RBP2: variants seen among roughly 807,000 people sequenced by gnomAD.
The protein encoded by RBP2 is retinol binding protein 2.
A neutral mutation model predicts 17.0 loss-of-function variants in RBP2; 17 were observed. The observed-to-expected ratio is 1.00, with a 90% CI of 0.68 to 1.50. The LOEUF (loss-of-function observed/expected upper bound fraction) is 1.50, where lower values mean the gene tolerates loss of function less well. RBP2 is among the 40% of genes most tolerant of loss of function. The pLI, the probability that RBP2 is intolerant of heterozygous loss-of-function variation, is 0.00. For missense variants in RBP2, 158 were observed against 168.2 expected (o/e 0.94, Z 0.33); for synonymous variants, 48 against 57.1 (o/e 0.84, Z 0.72).
chr3:139,463,280 A>T (rs1292705903), intron 1 of RBP2, among the ~76,000 whole-genome samples: 2 of 151,138 alleles, frequency 1.3e-5, no homozygotes, highest in Admixed American at 6.6e-5. Flanking sequence ...TCTGCCTCCC[A>T]GGTTCATGCC....
chr3:139,468,113 T>A (rs561573165), intron 1 of RBP2, among the ~76,000 whole-genome samples: 29 of 152,250 alleles, frequency 1.9e-4, no homozygotes, highest in African/African-American at 6.3e-4. Context: ...GTAAAACCAC[T>A]AAGGAATAAT....
intron 2 of RBP2, among the ~76,000 whole-genome samples, chr3:139,456,376 A>G (rs1007613308): frequency 3.3e-5 from 5 of 152,162 alleles, no homozygotes; most frequent in African/African-American, 1.2e-4. Flanking sequence ...CATATTATAT[A>G]CTTTATGTAC....
At chr3:139,459,215 G>A (rs972435734) in intron 2 of RBP2, among the ~76,000 whole-genome samples, 4 of 152,032 alleles carry the variant, frequency 2.6e-5, no homozygotes, top group African/African-American at 7.2e-5. Context: ...ACTCCCACAC[G>A]TGTATAGGTG....
intron 1 of RBP2, among the ~76,000 whole-genome samples, chr3:139,469,149 C>G (rs1933464567): frequency 6.6e-6 from 1 of 152,194 alleles, no homozygotes; most frequent in Non-Finnish European, 1.5e-5. Context: ...CAAAGTGCAG[C>G]TTTGATGGGC....
chr3:139,456,062 A>G (rs895655256), intron 2 of RBP2, among the ~76,000 whole-genome samples: 3 of 152,156 alleles, frequency 2.0e-5, no homozygotes, highest in African/African-American at 7.2e-5. Flanking sequence ...CCTTCCTGAG[A>G]TGATTATGTC....
chr3:139,474,034 T>A (rs1418967904), intron 1 of RBP2, among the ~76,000 whole-genome samples: 1 of 152,178 alleles, frequency 6.6e-6, no homozygotes, highest in African/African-American at 2.4e-5. Context: ...ACTGCGGAGA[T>A]CATGGGACAA....
intron 1 of RBP2, among the ~76,000 whole-genome samples, chr3:139,467,821 G>A (rs1180534792): frequency 6.6e-6 from 1 of 152,150 alleles, no homozygotes; most frequent in Non-Finnish European, 1.5e-5. Context: ...GACTCCACAG[G>A]AGAAGTGGGA....
At chr3:139,455,834 A>G (rs1212583276) in intron 2 of RBP2, among the ~76,000 whole-genome samples, 1 of 152,228 alleles carries the variant, frequency 6.6e-6, no homozygotes, top group East Asian at 1.9e-4. Context: ...ACATGTGCTG[A>G]ACAGCCAGGC....
chr3:139,474,206 A>C (rs1259076722), intron 1 of RBP2, among the ~76,000 whole-genome samples: 1 of 152,326 alleles, frequency 6.6e-6, no homozygotes, highest in East Asian at 1.9e-4. Context: ...TATCACATTC[A>C]CAACTTGTGA....
At position 139,463,174 on chromosome 3, in the gene RBP2, T is replaced by C. The variant is rs375306048; in HGVS notation, c.74-884A>G. Among the ~76,000 whole-genome samples, 106 of 152,102 alleles carry C rather than the reference T, an allele frequency of 7.0e-4. 2 individuals carry two copies. In the South Asian group the frequency reaches 0.021, roughly 30 times the overall value. On this transcript the variant is annotated intron_variant, in intron 1 of 3. Transcript: ENST00000232217. ...ACGTATTCTGGAAAATAAATATTTGTTCAGAGATTTCTTCTTTTTTTTTCT... is the reference window on the plus strand; with the variant it reads ...ACGTATTCTGGAAAATAAATATTTGCTCAGAGATTTCTTCTTTTTTTTTCT...
rs368525604 is a variant in RBP2 at position 139,462,147 on chromosome 3, C to T, written c.217G>A (p.Glu73Lys). 3.8e-5 allele frequency: 61 copies of T among 1,614,110 alleles called. No homozygotes were observed. The African/African-American group carries it at 4.5e-4, about 12-fold the overall frequency. Reference protein sequence around the residue: ...VDFTVGVEFDEYTKSLDNRHV... With the variant: ...VDFTVGVEFDKYTKSLDNRHV... ...CGGTTATCCAGGCTCTTTGTGTACT[C>T]GTCAAACTCTACTCCAACAGTGAAA... Residue 73 changes from glutamate to lysine, a missense_variant, in exon 2 of 4, where the codon GAG (glutamate) becomes AAG (lysine). Physicochemically the swap from Glu to Lys is moderately conservative, Grantham distance 56. Coordinates refer to ENST00000232217, the MANE Select transcript of RBP2 (RefSeq NM_004164.3).
chr3:139,469,321 A>G (rs555096831), intron 1 of RBP2, among the ~76,000 whole-genome samples: 2 of 152,200 alleles, frequency 1.3e-5, no homozygotes, highest in Non-Finnish European at 2.9e-5. Flanking sequence ...TCCTCCTCTC[A>G]CTTCCTTCTA....
At chr3:139,454,404 A>C (rs1943360290) in intron 3 of RBP2, among the ~76,000 whole-genome samples, 1 of 152,082 alleles carries the variant, frequency 6.6e-6, no homozygotes, top group Non-Finnish European at 1.5e-5. Context: ...ACCCTCCTCC[A>C]GGGCATCTAA....
At chr3:139,461,112 CA>C (rs1204049498) in intron 2 of RBP2, among the ~76,000 whole-genome samples, 3 of 152,078 alleles carry the variant, frequency 2.0e-5, no homozygotes, top group African/African-American at 7.2e-5. Flanking sequence ...TTTGGAAAAT[CA>C]AAAACAGGCA....
intron 1 of RBP2, among the ~76,000 whole-genome samples, chr3:139,475,321 A>G (rs1933700388): frequency 1.5e-5 from 2 of 130,308 alleles, no homozygotes; most frequent in African/African-American, 7.3e-5. Context: ...TCTGTCCCCA[A>G]AATAAAAAAA....
intron 2 of RBP2, among the ~76,000 whole-genome samples, chr3:139,460,509 G>A (rs946179832): frequency 6.6e-6 from 1 of 152,174 alleles, no homozygotes; most frequent in Admixed American, 6.5e-5. Context: ...AGCTCTCTTG[G>A]CTTTTAATTG....
At chr3:139,453,608 C>T (rs1183420660) in intron 3 of RBP2, among the ~76,000 whole-genome samples, 2 of 152,172 alleles carry the variant, frequency 1.3e-5, no homozygotes, top group African/African-American at 4.8e-5. Context: ...CTGGTGGTGG[C>T]GCAGGTACCC....
intron 1 of RBP2, among the ~76,000 whole-genome samples, chr3:139,465,941 G>A (rs1477450655): frequency 1.3e-5 from 2 of 152,132 alleles, no homozygotes; most frequent in Non-Finnish European, 2.9e-5. Context: ...CGGTCTCTCG[G>A]CTGCCTTTGG....
At chr3:139,462,068 T>C (rs1355317355) in intron 2 of RBP2, 44 bp downstream of exon 2, 2 of 1,572,310 alleles carry the variant, frequency 1.3e-6, no homozygotes, top group Non-Finnish European at 1.7e-6. Context: ...AGCCAGCCCC[T>C]GGCACAGAAT....
Sources: gnomAD v4.1 joint callset for allele counts (sites outside exome capture counted in the v4.1 genomes callset) on GRCh38, gnomAD v4.1.1 for gene constraint, MANE v1.5 for transcripts, NCBI Gene and HGNC (gene_info 2026-07-23, HGNC 2026-07-21) for gene names.